Variants in WAPL observed in about 807,000 individuals in gnomAD.
The protein encoded by WAPL is WAPL cohesin release factor, also known as wings apart-like protein homolog.
WAPL carries 5 observed loss-of-function variants against 121.0 expected under a neutral mutation model. The ratio of observed to expected loss-of-function variants is 0.04; its 90% CI spans 0.02 to 0.09. The LOEUF (loss-of-function observed/expected upper bound fraction) is 0.09, where lower values mean the gene tolerates loss of function less well. Among genes scored for constraint, WAPL ranks in the 10% least tolerant of loss-of-function variants. WAPL has a pLI of 1.00. For synonymous variants in WAPL, 480 were observed against 481.5 expected, an observed-to-expected ratio of 1.00 and a Z score of 0.04; for missense variants, 999 against 1,410.8, an observed-to-expected ratio of 0.71 and a Z score of 4.68.
chr10:86,453,157 G>A, intron 14 of WAPL, 63 bp downstream of exon 14: 1 of 1,467,300 alleles, frequency 6.8e-7, no homozygotes, highest in Non-Finnish European at 9.4e-7. Flanking sequence ...CCAAACTAAG[G>A]TTAACATTTT....
intron 9 of WAPL, among the ~76,000 whole-genome samples, chr10:86,463,923 T>C (rs1475837863): frequency 6.6e-6 from 1 of 152,238 alleles, no homozygotes; most frequent in Non-Finnish European, 1.5e-5. Context: ...CAACAGGCTG[T>C]ACCACATAGT....
At chr10:86,464,994 G>A (rs1049606911) in intron 9 of WAPL, among the ~76,000 whole-genome samples, 2 of 152,180 alleles carry the variant, frequency 1.3e-5, no homozygotes, top group Non-Finnish European at 2.9e-5. Flanking sequence ...GTATCTTGCT[G>A]TTTAAAGTTA....
At chr10:86,470,627 A>G (rs949679301) in intron 8 of WAPL, among the ~76,000 whole-genome samples, 5 of 152,352 alleles carry the variant, frequency 3.3e-5, no homozygotes, top group Middle Eastern at 6.8e-3. Flanking sequence ...CTGCATTTCC[A>G]AACCAGTTTT....
intron 5 of WAPL, 52 bp downstream of exon 5, chr10:86,473,826 T>C: frequency 3.6e-6 from 5 of 1,371,332 alleles, no homozygotes; most frequent in Non-Finnish European, 5.1e-6. Context: ...GAGTAACTGC[T>C]TAATTTATAG....
chr10:86,465,484 G>C (rs1841377040), intron 9 of WAPL, among the ~76,000 whole-genome samples: 1 of 152,172 alleles, frequency 6.6e-6, no homozygotes, highest in South Asian at 2.1e-4. Flanking sequence ...GGGATTATGG[G>C]CGTGAGCCAC....
At chr10:86,490,517 CAG>C (rs1408163824) in intron 4 of WAPL, among the ~76,000 whole-genome samples, 3 of 151,932 alleles carry the variant, frequency 2.0e-5, no homozygotes, top group Non-Finnish European at 4.4e-5. Context: ...GTTAAAAAAA[CAG>C]AACACAAATA....
chr10:86,514,855 A>G (rs1842525536), intron 2 of WAPL, among the ~76,000 whole-genome samples: 1 of 152,202 alleles, frequency 6.6e-6, no homozygotes, highest in Non-Finnish European at 1.5e-5. Flanking sequence ...TCCTCAAAAG[A>G]CCATACACTT....
Position 86,459,140 on chromosome 10 carries a change from G to A in WAPL, c.2581-75C>T, listed in dbSNP as rs1221889646. ...ATTCATGTAACACCACATTCTGCCT[G>A]GTGCGTAAAAGATACAAAGATGAGG... On this transcript the variant is annotated intron_variant, in intron 11 of 18. Coordinates refer to ENST00000298767, the MANE Select transcript of WAPL (RefSeq NM_015045.5). 5.9e-6 allele frequency: 7 copies of A among 1,194,298 alleles called. No individual in the cohort carries two copies. In the East Asian group the frequency reaches 1.5e-4, roughly 25 times the overall value. 74.0% of individuals were successfully genotyped at this position (1,194,298 alleles called of 1,614,324 possible).
intron 2 of WAPL, among the ~76,000 whole-genome samples, chr10:86,516,019 A>C (rs1842549327): frequency 6.6e-6 from 1 of 151,778 alleles, no homozygotes; most frequent in Non-Finnish European, 1.5e-5. Context: ...GGCACCCGCC[A>C]CCATGCCCAG....
chr10:86,471,543 C>T (rs1239189121), intron 7 of WAPL, among the ~76,000 whole-genome samples: 2 of 152,098 alleles, frequency 1.3e-5, no homozygotes, highest in African/African-American at 2.4e-5. Context: ...CAAATGTAAG[C>T]GTCCAGATCA....
At chr10:86,505,677 T>G (rs995042246) in intron 2 of WAPL, among the ~76,000 whole-genome samples, 2 of 152,148 alleles carry the variant, frequency 1.3e-5, no homozygotes, top group African/African-American at 4.8e-5. Flanking sequence ...CATATACATA[T>G]TTTTATACCA....
Position 86,437,515 on chromosome 10 carries a change from C to T in WAPL, c.*28G>A, listed in dbSNP as rs373044417. ...TTGTCTAAGGATAGCTCCAGCATTA[C>T]CGAGCACCTGAAGCAAAGGTAAAGC... On this transcript the variant is annotated 3_prime_UTR_variant, in exon 19 of 19. Coordinates refer to ENST00000298767, the MANE Select transcript of WAPL (RefSeq NM_015045.5). 10 of 1,610,222 alleles carry T rather than the reference C, an allele frequency of 6.2e-6. No homozygotes were observed. The highest frequency in any genetic ancestry group is 2.7e-5 in the African/African-American group (2 of 74,892).
In WAPL at chr10:86,437,474, A is replaced by T. The variant is rs1050108539; in HGVS notation, c.*69T>A. ...TGGTATATCTTCAAGGACTTCTTTCATGACTTGACTTTTCTTTGTCTAAGG... is the reference window on the plus strand; with the variant it reads ...TGGTATATCTTCAAGGACTTCTTTCTTGACTTGACTTTTCTTTGTCTAAGG... On this transcript the variant is annotated 3_prime_UTR_variant, in exon 19 of 19. Coordinates refer to ENST00000298767, the MANE Select transcript of WAPL (RefSeq NM_015045.5). 6.5e-7 allele frequency: 1 copy of T among 1,527,870 alleles called. No individual in the cohort carries two copies. The highest frequency in any genetic ancestry group is 1.4e-5 in the African/African-American group (1 of 72,232). The allele number at this position is 1,527,870 out of a possible 1,614,324, so 94.6% of individuals were successfully genotyped here. A position where few individuals can be genotyped will look rare whatever the true frequency, so the allele number is the denominator to read the frequency against.
At chr10:86,452,185 G>C in intron 14 of WAPL, 54 bp from the exon 15 acceptor site, 1 of 1,523,458 alleles carries the variant, frequency 6.6e-7, no homozygotes, top group Non-Finnish European at 8.9e-7. Context: ...TAAAACAAAT[G>C]AACACAATAT....
intron 4 of WAPL, among the ~76,000 whole-genome samples, chr10:86,486,866 G>C (rs1308604837): frequency 6.6e-6 from 1 of 152,100 alleles, no homozygotes; most frequent in African/African-American, 2.4e-5. Flanking sequence ...TGAAGCACAG[G>C]AATCACTTGA....
rs994699881 is a variant in WAPL, at chr10:86,521,637, G to C, written c.-295C>G. On this transcript the variant is annotated 5_prime_UTR_variant, in exon 1 of 19. Transcript: ENST00000298767. ...ACTGCTGGAGCTGGTAACAGAGCCT[G>C]CTGTGTGCCCCCGCTGGGCCGCCGC... 1.5e-5 allele frequency: 7 copies of C among 461,358 alleles called. No homozygotes were observed. The highest frequency in any genetic ancestry group is 1.2e-4 in the African/African-American group (6 of 48,222). The allele number at this position is 461,358 out of a possible 1,614,324, so 28.6% of individuals were successfully genotyped here. A position where few individuals can be genotyped will look rare whatever the true frequency, so the allele number is the denominator to read the frequency against.
At chr10:86,520,555 C>T (rs1842655536) in intron 1 of WAPL, among the ~76,000 whole-genome samples, 1 of 152,042 alleles carries the variant, frequency 6.6e-6, no homozygotes, top group Admixed American at 6.6e-5. Context: ...ATTATCTAAG[C>T]GTAAAGCACT....
In WAPL at chr10:86,472,824, C is replaced by T; in HGVS notation, c.1741-60G>A. 2 of 1,458,234 alleles carry T rather than the reference C, an allele frequency of 1.4e-6. No individual in the cohort carries two copies. Among genetic ancestry groups the T allele is most frequent in the Non-Finnish European group, 1.8e-6 (2 of 1,094,924 alleles). 90.3% of individuals were successfully genotyped at this position (1,458,234 alleles called of 1,614,324 possible). ...TAAATATATAAAAATAGGAACGTCT[C>T]ATCTATCTGGCAAATTCAGCTTCAA... is the stretch of plus-strand genomic sequence containing the variant. On this transcript the variant is annotated intron_variant, in intron 5 of 18. Transcript: ENST00000298767. This position sits in a 1 kb window ranked among gnomAD's most constrained non-coding sequence, Gnocchi z 4.2.
chr10:86,479,478 T>G (rs1440264371), intron 4 of WAPL, among the ~76,000 whole-genome samples: 1 of 152,198 alleles, frequency 6.6e-6, no homozygotes, highest in Non-Finnish European at 1.5e-5. Context: ...GGTCTTGAAC[T>G]CCTGACCTCA....
Sources: gnomAD v4.1 joint callset for allele counts (sites outside exome capture counted in the v4.1 genomes callset) on GRCh38, gnomAD v4.1.1 for gene constraint, Gnocchi (gnomAD v3.1) non-coding constraint, MANE v1.5 for transcripts, NCBI Gene and HGNC (gene_info 2026-07-23, HGNC 2026-07-21) for gene names.